Variants in MTUS2 observed in about 807,000 individuals in gnomAD.
MTUS2 encodes microtubule-associated tumor suppressor candidate 2.
A neutral mutation model predicts 114.1 loss-of-function variants in MTUS2; 40 were observed. That is an observed-to-expected ratio of 0.35 (90% CI 0.27 to 0.46). The LOEUF (loss-of-function observed/expected upper bound fraction) is 0.46. Ranked by LOEUF, MTUS2 falls within the 20% of genes least tolerant of loss-of-function variation. The pLI is 1.00. For synonymous variants in MTUS2, 688 were observed against 672.0 expected (o/e 1.02, Z -0.37); for missense variants, 1,679 against 1,705.4 (o/e 0.98, Z 0.27).
chr13:29,404,231 G>A (rs1053842214), intron 8 of MTUS2, among the ~76,000 whole-genome samples: 2 of 151,110 alleles, frequency 1.3e-5, no homozygotes, highest in African/African-American at 4.9e-5. Context: ...TGTGCCTGTA[G>A]TCCCAGCTAC....
intron 6 of MTUS2, among the ~76,000 whole-genome samples, chr13:29,290,083 A>G (rs1167785902): frequency 6.6e-6 from 1 of 152,244 alleles, no homozygotes; most frequent in African/African-American, 2.4e-5. Flanking sequence ...TTCAATAAAG[A>G]TGCCTGTACA....
intron 2 of MTUS2, among the ~76,000 whole-genome samples, chr13:28,906,205 G>C (rs1353106073): frequency 2.0e-5 from 3 of 151,360 alleles, no homozygotes; most frequent in South Asian, 4.2e-4. Flanking sequence ...CAAAAATCCA[G>C]CTCCTGGATT....
intron 5 of MTUS2, among the ~76,000 whole-genome samples, chr13:29,181,510 G>A (rs1177204675): frequency 1.3e-5 from 2 of 152,218 alleles, no homozygotes. Flanking sequence ...AGTAGGCAAA[G>A]CATTGCCATT....
chr13:29,388,193 C>A (rs1044583169), intron 8 of MTUS2, among the ~76,000 whole-genome samples: 22 of 152,156 alleles, frequency 1.4e-4, no homozygotes, highest in African/African-American at 5.1e-4. Context: ...TTGACCCAAT[C>A]CCCATGTATT....
intron 5 of MTUS2, among the ~76,000 whole-genome samples, chr13:29,165,988 A>G (rs1455727818): frequency 6.6e-6 from 1 of 152,128 alleles, no homozygotes; most frequent in Non-Finnish European, 1.5e-5. Context: ...GAGGAAGGTG[A>G]GTGTGGTTTT....
chr13:29,443,870 A>G (rs1878084049), intron 9 of MTUS2, among the ~76,000 whole-genome samples: 1 of 152,004 alleles, frequency 6.6e-6, no homozygotes, highest in Non-Finnish European at 1.5e-5. Context: ...ACGTGGAGGG[A>G]TGTGGGGGGA....
rs1318154397 is a variant in MTUS2, at chr13:29,497,339, C to G, written c.3678+3C>G. 3 of 1,608,954 alleles carry G rather than the reference C, an allele frequency of 1.9e-6. No individual in the cohort carries two copies. Among genetic ancestry groups the G allele is most frequent in the African/African-American group, 1.3e-5 (1 of 74,806 alleles). Reference sequence around the variant, plus strand: ...AGAACACAGAGGAGCAGCTGGAGGTCGTTTCTGGATTCCAGGCTTCCAGCC... The same window carrying G: ...AGAACACAGAGGAGCAGCTGGAGGTGGTTTCTGGATTCCAGGCTTCCAGCC... On this transcript the variant is annotated splice_donor_region_variant and intron_variant, in intron 13 of 15. Coordinates refer to ENST00000612955, the MANE Select transcript of MTUS2 (RefSeq NM_001033602.4).
intron 2 of MTUS2, among the ~76,000 whole-genome samples, chr13:28,852,494 G>T (rs910610391): frequency 3.9e-5 from 6 of 152,128 alleles, no homozygotes; most frequent in Non-Finnish European, 8.8e-5. Flanking sequence ...GGAGGCTAAT[G>T]GTCTTCCAGG....
intron 2 of MTUS2, among the ~76,000 whole-genome samples, chr13:28,911,033 G>A (rs1358685709): frequency 2.0e-5 from 3 of 151,246 alleles, no homozygotes; most frequent in East Asian, 3.9e-4. Flanking sequence ...CTGCCACCAC[G>A]CCTGGTTAAT....
At position 29,025,854 on chromosome 13, in the gene MTUS2, C is replaced by G; in HGVS notation, c.1156C>G (p.Pro386Ala). ...CTGTGAAGAGAAGAGAGGAGTCAAC[C>G]CAGGGGAGCAGGATTCTCTCCACAC... The part of the protein sequence containing the change: ...GNCEEKRGVN[P>A]GEQDSLHTTP... Residue 386 changes from proline (P) to alanine (A), a missense_variant, in exon 3 of 16, where the codon CCA (proline) becomes GCA (alanine). Around this residue, in one of 3 missense-constraint regions of MTUS2, gnomAD observed 843 missense variants for 770.8 expected, o/e 1.09. Coordinates refer to ENST00000612955, the MANE Select transcript of MTUS2 (RefSeq NM_001033602.4). 7 of 1,613,322 alleles carry G rather than the reference C, an allele frequency of 4.3e-6. No individual in the cohort carries two copies. The highest frequency in any genetic ancestry group is 5.9e-6 in the Non-Finnish European group (7 of 1,179,568).
At chr13:28,851,479 G>A (rs1158408311) in intron 2 of MTUS2, among the ~76,000 whole-genome samples, 1 of 152,194 alleles carries the variant, frequency 6.6e-6, no homozygotes, top group African/African-American at 2.4e-5. Flanking sequence ...CATGTACTGA[G>A]TGACTACAAC....
At chr13:28,925,103 C>A (rs548791279) in intron 2 of MTUS2, among the ~76,000 whole-genome samples, 2 of 151,976 alleles carry the variant, frequency 1.3e-5, no homozygotes, top group Non-Finnish European at 2.9e-5. Flanking sequence ...GCCTTTAGGC[C>A]GTGGAATGGT....
In MTUS2 at chr13:29,371,562, A is replaced by G. The variant is rs577641844; in HGVS notation, c.3117+12089A>G. ...ATGAAGGTATTTTGATACCCATGTT[A>G]TAGATAACTCAGGTTGCCTTGATCA... On this transcript the variant is annotated intron_variant, in intron 8 of 15. Transcript: ENST00000612955. 4.4e-3 allele frequency among the ~76,000 whole-genome samples: 674 copies of G among 152,324 alleles called. 5 individuals carry two copies. The highest frequency in any genetic ancestry group is 0.016 in the African/African-American group (657 of 41,570).
At chr13:29,477,127 G>T (rs535280602) in intron 9 of MTUS2, among the ~76,000 whole-genome samples, 1 of 152,326 alleles carries the variant, frequency 6.6e-6, no homozygotes, top group African/African-American at 2.4e-5. Context: ...CTAGTGAGCA[G>T]CAGGAGCCTG....
intron 9 of MTUS2, among the ~76,000 whole-genome samples, chr13:29,441,979 G>A (rs751818917): frequency 3.9e-5 from 6 of 152,184 alleles, no homozygotes; most frequent in Non-Finnish European, 8.8e-5. Context: ...TCCTCAGTTG[G>A]AGGTGACTCT....
intron 2 of MTUS2, among the ~76,000 whole-genome samples, chr13:29,019,631 A>T (rs1047102159): frequency 9.9e-5 from 15 of 152,206 alleles, no homozygotes; most frequent in Non-Finnish European, 1.5e-4. Context: ...GACAACTTAT[A>T]TGGTACTTTG....
chr13:28,874,517 T>C (rs986808714), intron 2 of MTUS2, among the ~76,000 whole-genome samples: 21 of 152,146 alleles, frequency 1.4e-4, no homozygotes, highest in Non-Finnish European at 7.4e-5. Flanking sequence ...TAGGTGTGGC[T>C]AGGCTGGAAT....
At chr13:29,382,348 A>C (rs1872274770) in intron 8 of MTUS2, among the ~76,000 whole-genome samples, 1 of 152,188 alleles carries the variant, frequency 6.6e-6, no homozygotes, top group Non-Finnish European at 1.5e-5. Flanking sequence ...CAGACCATGC[A>C]GTAGTCCACA....
chr13:29,475,935 G>A (rs1308036184), intron 9 of MTUS2, among the ~76,000 whole-genome samples: 5 of 152,156 alleles, frequency 3.3e-5, no homozygotes, highest in Admixed American at 6.5e-5. Flanking sequence ...CAGTCATGTC[G>A]TAGGCCCTCA....
Sources: gnomAD v4.1 joint callset for allele counts (sites outside exome capture counted in the v4.1 genomes callset) on GRCh38, gnomAD v4.1.1 for gene constraint, gnomAD v4.1.1 regional missense constraint, MANE v1.5 for transcripts, NCBI Gene and HGNC (gene_info 2026-07-23, HGNC 2026-07-21) for gene names.